The following ADGRL2 variants were observed in gnomAD, a reference collection of about 807,000 sequenced individuals.
ADGRL2 encodes calcium-independent alpha-latrotoxin receptor 2.
In ADGRL2, 44 loss-of-function variants were observed where a neutral mutation model predicts 157.4. The ratio of observed to expected loss-of-function variants is 0.28; its 90% CI spans 0.22 to 0.36. ADGRL2 has a LOEUF of 0.36. Among genes scored for constraint, ADGRL2 ranks in the 10% least tolerant of loss-of-function variants. The pLI is 1.00. For missense variants in ADGRL2, 1,510 were observed against 1,768.9 expected, an observed-to-expected ratio of 0.85 and a Z score of 2.63; for synonymous variants, 585 against 624.7, an observed-to-expected ratio of 0.94 and a Z score of 0.95.
At chr1:81,564,886 C>T (rs114263542) in intron 2 of ADGRL2, among the ~76,000 whole-genome samples, 3,240 of 152,192 alleles carry the variant, frequency 0.021, 118 homozygotes, top group African/African-American at 0.075. Flanking sequence ...TTATGGTAGC[C>T]TCCATCCTAA....
chr1:81,801,148 C>G (rs2088026185), intron 1 of ADGRL2, among the ~76,000 whole-genome samples, 80 bp downstream of exon 1: 1 of 152,170 alleles, frequency 6.6e-6, no homozygotes, highest in Non-Finnish European at 1.5e-5. Context: ...TGGAAAACGG[C>G]CATTGGGCGA....
chr1:81,564,516 C>T (rs1318762117), intron 2 of ADGRL2, among the ~76,000 whole-genome samples: 1 of 152,130 alleles, frequency 6.6e-6, no homozygotes, highest in Non-Finnish European at 1.5e-5. Flanking sequence ...AGTGCCTTGC[C>T]ACATGCACCT....
intron 2 of ADGRL2, among the ~76,000 whole-genome samples, chr1:81,491,401 T>C (rs980182300): frequency 6.6e-5 from 10 of 152,016 alleles, no homozygotes; most frequent in African/African-American, 2.4e-4. Context: ...TGAAAATTCA[T>C]CAAGCTATAC....
At chr1:81,587,173 G>A (rs2081044708) in intron 3 of ADGRL2, among the ~76,000 whole-genome samples, 1 of 151,942 alleles carries the variant, frequency 6.6e-6, no homozygotes, top group Admixed American at 6.6e-5. Context: ...AGATAGTAGA[G>A]GTACAAAGAC....
intron 3 of ADGRL2, among the ~76,000 whole-genome samples, chr1:81,630,937 T>C (rs1397683678): frequency 1.3e-5 from 2 of 152,216 alleles, no homozygotes; most frequent in East Asian, 1.9e-4. Flanking sequence ...TTTTAAATGA[T>C]GTTTTAAATA....
chr1:81,647,591 G>A (rs2082338461), intron 3 of ADGRL2, among the ~76,000 whole-genome samples: 1 of 152,150 alleles, frequency 6.6e-6, no homozygotes, highest in African/African-American at 2.4e-5. Context: ...TGAATTTCAT[G>A]TTTAGACTTT....
At chr1:81,768,260 C>A (rs2086214207) in intron 2 of ADGRL2, among the ~76,000 whole-genome samples, 1 of 151,912 alleles carries the variant, frequency 6.6e-6, no homozygotes, top group Admixed American at 6.6e-5. Context: ...GTTGCCAGGG[C>A]TGGTCTTGAA....
intron 2 of ADGRL2, among the ~76,000 whole-genome samples, chr1:81,889,439 T>C (rs561663247): frequency 6.6e-6 from 1 of 152,254 alleles, no homozygotes; most frequent in Admixed American, 6.5e-5. Flanking sequence ...CAAAGCATAA[T>C]CCAGAGCAAG....
intron 2 of ADGRL2, among the ~76,000 whole-genome samples, chr1:81,782,836 G>C (rs888134272): frequency 6.6e-6 from 1 of 152,170 alleles, no homozygotes; most frequent in African/African-American, 2.4e-5. Flanking sequence ...TTAGAAGGAA[G>C]GACATCTTTG....
chr1:81,635,494 G>A (rs1180063192), intron 3 of ADGRL2, among the ~76,000 whole-genome samples: 1 of 152,170 alleles, frequency 6.6e-6, no homozygotes, highest in Non-Finnish European at 1.5e-5. Flanking sequence ...ATAAACAAGA[G>A]AAATTTGTTT....
intron 1 of ADGRL2, among the ~76,000 whole-genome samples, chr1:81,334,030 C>T (rs1661457572): frequency 6.6e-6 from 1 of 152,206 alleles, no homozygotes; most frequent in Admixed American, 6.5e-5. Context: ...CTTAGACTTC[C>T]TAACCTCCAT....
At chr1:81,739,873 T>G (rs2085017552) in intron 1 of ADGRL2, among the ~76,000 whole-genome samples, 1 of 152,222 alleles carries the variant, frequency 6.6e-6, no homozygotes, top group Non-Finnish European at 1.5e-5. Context: ...CCAATAGCAT[T>G]CTTCAGTTAT....
At chr1:81,712,385 T>C (rs2083959834) in intron 1 of ADGRL2, among the ~76,000 whole-genome samples, 1 of 152,196 alleles carries the variant, frequency 6.6e-6, no homozygotes, top group Non-Finnish European at 1.5e-5. Context: ...ATGATGTCAT[T>C]GAACTATTTT....
chr1:81,527,983 C>A (rs564900361), intron 2 of ADGRL2, among the ~76,000 whole-genome samples: 1 of 151,994 alleles, frequency 6.6e-6, no homozygotes, highest in Non-Finnish European at 1.5e-5. Flanking sequence ...AGGAGAATGA[C>A]GTGAACCCGG....
intron 2 of ADGRL2, among the ~76,000 whole-genome samples, chr1:81,486,384 C>T (rs1374779474): frequency 6.6e-6 from 1 of 152,000 alleles, no homozygotes; most frequent in Admixed American, 6.6e-5. Context: ...TTGTGTGATT[C>T]CTAAATTGTC....
At chr1:81,832,529 A>C (rs984121685) in intron 1 of ADGRL2, among the ~76,000 whole-genome samples, 1 of 152,222 alleles carries the variant, frequency 6.6e-6, no homozygotes, top group Non-Finnish European at 1.5e-5. Flanking sequence ...CTGAGTGTCT[A>C]CTATGTCTGC....
chr1:81,594,982 A>G (rs2081203843), intron 3 of ADGRL2, among the ~76,000 whole-genome samples: 1 of 152,240 alleles, frequency 6.6e-6, no homozygotes, highest in African/African-American at 2.4e-5. Context: ...CCAAACACTT[A>G]TTGAGCACTG....
chr1:81,777,398 A>G (rs12072054), intron 2 of ADGRL2, among the ~76,000 whole-genome samples: 30,672 of 152,186 alleles, frequency 0.2, 3,425 homozygotes, highest in African/African-American at 0.29. Context: ...TTAGGCAGTT[A>G]GTGTTTTGGT....
intron 3 of ADGRL2, among the ~76,000 whole-genome samples, chr1:81,635,331 C>T (rs996859891): frequency 1.2e-4 from 18 of 152,178 alleles, no homozygotes; most frequent in South Asian, 2.1e-4. Context: ...CGAAGGAAGA[C>T]GCATGCCCAG....
Sources: allele counts gnomAD v4.1 joint callset (sites outside exome capture counted in the v4.1 genomes callset), GRCh38; gene constraint gnomAD v4.1.1; transcripts MANE v1.5; gene names NCBI Gene and HGNC (gene_info 2026-07-23, HGNC 2026-07-21).